The following ARHGAP22 variants were observed in gnomAD, a reference collection of about 807,000 sequenced individuals.
ARHGAP22 encodes rho GTPase-activating protein 22.
In ARHGAP22, 48 loss-of-function variants were observed where a neutral mutation model predicts 59.1. The observed-to-expected ratio is 0.81, with a 90% CI of 0.64 to 1.03. The LOEUF (loss-of-function observed/expected upper bound fraction) is 1.03. Among genes scored for constraint, ARHGAP22 ranks in the 50% least tolerant of loss-of-function variants. The probability of loss-of-function intolerance (pLI) is 0.00; values close to 1 mark genes in which losing one functional copy is unlikely to be tolerated. For synonymous variants in ARHGAP22, 445 were observed against 416.4 expected (o/e 1.07, Z -0.84); for missense variants, 1,015 against 958.7 (o/e 1.06, Z -0.78).
Position 48,652,121 on chromosome 10 carries a change from G to T in ARHGAP22, c.52+113C>A. 3.0e-6 allele frequency: 3 copies of T among 1,007,210 alleles called. No individual in the cohort carries two copies. The South Asian group carries it at 4.2e-5, about 14-fold the overall frequency. The allele number at this position is 1,007,210 out of a possible 1,614,324, so 62.4% of individuals were successfully genotyped here. On this transcript the variant is annotated intron_variant, in intron 1 of 9. Coordinates refer to the ARHGAP22 transcript ENST00000435790. ...GGTCAGAACCCTGACCACAGATGCC[G>T]CCTGGTGCTCTCAGCCACAAGACCA...
At chr10:48,434,840 C>T in the ARHGAP22 span, 2 of 1,555,820 alleles carry the variant, frequency 1.3e-6, no homozygotes, top group Non-Finnish European at 8.7e-7. Context: ...GCTTGATCTG[C>T]AGCTGTCTGC....
At chr10:48,620,959 C>T (rs1246170765) in intron 1 of ARHGAP22, among the ~76,000 whole-genome samples, 1 of 152,222 alleles carries the variant, frequency 6.6e-6, no homozygotes, top group Non-Finnish European at 1.5e-5. Context: ...ACACCATGGC[C>T]TTCACTGTCA....
intron 1 of ARHGAP22, among the ~76,000 whole-genome samples, chr10:48,591,334 G>A (rs188793361): frequency 7.0e-4 from 106 of 152,306 alleles, no homozygotes; most frequent in African/African-American, 2.3e-3. Flanking sequence ...ACTGTGCAAC[G>A]CGAAGTCACC....
chr10:48,653,423 G>T (rs2377615), upstream of ARHGAP22, among the ~76,000 whole-genome samples: 83,717 of 152,074 alleles, frequency 0.55, 24,952 homozygotes, highest in Non-Finnish European at 0.64. Flanking sequence ...GCTTAGTGGG[G>T]TGTGTTGGGG....
chr10:48,457,634 T>C (rs10745273), intron 5 of ARHGAP22, among the ~76,000 whole-genome samples: 134,755 of 152,162 alleles, frequency 0.89, 60,485 homozygotes, highest in East Asian at 0.99. Context: ...CCCGGGAGAC[T>C]GACAGCCCAG....
chr10:48,644,910 A>G (rs999580397), intron 1 of ARHGAP22, among the ~76,000 whole-genome samples: 1 of 152,096 alleles, frequency 6.6e-6, no homozygotes, highest in East Asian at 1.9e-4. Context: ...AAGAATAAAG[A>G]GAAATAAAAT....
At chr10:48,533,241 T>A (rs993561573) in intron 3 of ARHGAP22, among the ~76,000 whole-genome samples, 1 of 151,978 alleles carries the variant, frequency 6.6e-6, no homozygotes, top group Non-Finnish European at 1.5e-5. Context: ...TTACTCTTTT[T>A]CTGTTTGAAG....
chr10:48,510,658 C>T (rs2052667094), intron 3 of ARHGAP22: 1 of 152,384 alleles, frequency 6.6e-6, no homozygotes, highest in Non-Finnish European at 1.5e-5. Context: ...TCTGTGAGTG[C>T]TATTAGTGGC....
chr10:48,480,812 A>C (rs3889332), intron 3 of ARHGAP22, among the ~76,000 whole-genome samples: 1 of 152,172 alleles, frequency 6.6e-6, no homozygotes, highest in East Asian at 1.9e-4. Context: ...TGTTGAATGC[A>C]CACAGCGAAT....
chr10:48,641,346 A>G (rs2062036970), intron 1 of ARHGAP22, among the ~76,000 whole-genome samples: 1 of 152,216 alleles, frequency 6.6e-6, no homozygotes, highest in African/African-American at 2.4e-5. Context: ...TAAAAGAGAC[A>G]CATTACAGAT....
intron 3 of ARHGAP22, among the ~76,000 whole-genome samples, chr10:48,525,432 G>T (rs1368334768): frequency 6.6e-6 from 1 of 152,192 alleles, no homozygotes; most frequent in Non-Finnish European, 1.5e-5. Context: ...AATTAGCCAT[G>T]CATGGTAGCG....
chr10:48,643,773 A>T (rs2136174929), intron 1 of ARHGAP22, among the ~76,000 whole-genome samples: 1 of 150,362 alleles, frequency 6.7e-6, no homozygotes, highest in East Asian at 1.9e-4. Flanking sequence ...AAATATATAT[A>T]TATATATATG....
intron 3 of ARHGAP22, among the ~76,000 whole-genome samples, chr10:48,543,179 A>G (rs1289692385): frequency 6.6e-6 from 1 of 152,194 alleles, no homozygotes; most frequent in Non-Finnish European, 1.5e-5. Context: ...AGGCCCGCAC[A>G]GAGATGTGCA....
chr10:48,630,519 A>G (rs2061595644), intron 1 of ARHGAP22, among the ~76,000 whole-genome samples: 1 of 152,220 alleles, frequency 6.6e-6, no homozygotes, highest in Non-Finnish European at 1.5e-5. Context: ...TTATGTACAT[A>G]TTCTGTTAGA....
chr10:48,554,835 T>C (rs2057181157), intron 3 of ARHGAP22, among the ~76,000 whole-genome samples: 2 of 152,134 alleles, frequency 1.3e-5, no homozygotes, highest in Non-Finnish European at 2.9e-5. Context: ...TCTGACTCCC[T>C]TCCTCATGCC....
intron 3 of ARHGAP22, among the ~76,000 whole-genome samples, chr10:48,513,302 G>C (rs2052973203): frequency 6.6e-6 from 1 of 152,214 alleles, no homozygotes; most frequent in South Asian, 2.1e-4. Context: ...TATACTCCTA[G>C]AGATCCAGAA....
At chr10:48,586,057 G>A (rs556315988) in intron 1 of ARHGAP22, among the ~76,000 whole-genome samples, 1 of 152,180 alleles carries the variant, frequency 6.6e-6, no homozygotes, top group Non-Finnish European at 1.5e-5. Context: ...TGTGGGGTTG[G>A]TCCCTGCACT....
chr10:48,586,039 C>T (rs2059406446), intron 1 of ARHGAP22, among the ~76,000 whole-genome samples: 1 of 152,092 alleles, frequency 6.6e-6, no homozygotes, highest in Non-Finnish European at 1.5e-5. Flanking sequence ...CTTTTTTTCC[C>T]TCCTCTCTGT....
chr10:48,564,225 A>G (rs541576407), intron 2 of ARHGAP22, among the ~76,000 whole-genome samples: 2 of 152,232 alleles, frequency 1.3e-5, no homozygotes, highest in Admixed American at 6.5e-5. Flanking sequence ...ACAATCCTCA[A>G]TGTAACATTT....
Sources: gnomAD v4.1 joint callset for allele counts (sites outside exome capture counted in the v4.1 genomes callset) on GRCh38, gnomAD v4.1.1 for gene constraint, MANE v1.5 for transcripts, NCBI Gene and HGNC (gene_info 2026-07-23, HGNC 2026-07-21) for gene names.